Variants in USP30 observed in about 807,000 individuals in gnomAD.
USP30 encodes the protein ubiquitin specific peptidase 30, also known as ubiquitin carboxyl-terminal hydrolase 30.
Under a neutral mutation model 68.2 loss-of-function variants are expected in USP30, and 41 were observed. That is an observed-to-expected ratio of 0.60 (90% CI 0.47 to 0.78). USP30 has a LOEUF of 0.78. USP30 is among the 30% of genes least tolerant of loss of function. The pLI, the probability that USP30 is intolerant of heterozygous loss-of-function variation, is 0.00. For missense variants in USP30, 522 were observed against 649.4 expected (o/e 0.80, Z 2.13); for synonymous variants, 229 against 253.7 (o/e 0.90, Z 0.93).
At chr12:109,030,559 T>G (rs893383012) in intron 3 of USP30, among the ~76,000 whole-genome samples, 1 of 152,148 alleles carries the variant, frequency 6.6e-6, no homozygotes, top group African/African-American at 2.4e-5. Context: ...TGAAATTTCT[T>G]AAAAGGGTAG....
upstream of USP30, among the ~76,000 whole-genome samples, chr12:109,049,339 G>A (rs1566080155): frequency 6.6e-6 from 1 of 152,142 alleles, no homozygotes; most frequent in Admixed American, 6.6e-5. Context: ...TTACAGGCTA[G>A]GGAGACCTGA....
chr12:109,023,554 CAATA>C lies in USP30; in HGVS notation c.-498+408_-498+411del, dbSNP rs61588766. Among the ~76,000 whole-genome samples the C allele has an allele frequency of 2.9e-3, 429 of 146,422 alleles. 2 individuals are homozygous for C. Among genetic ancestry groups the C allele is most frequent in the African/African-American group, 6.5e-3 (257 of 39,832 alleles). ...TGGGTGATAGAGCGAAACTCTGTCTCAATAAATAAATAAATAAATAAATAGCCCC... is the reference window on the plus strand; with the variant it reads ...TGGGTGATAGAGCGAAACTCTGTCTCAATAAATAAATAAATAAATAGCCCC... On this transcript the variant is annotated intron_variant, in intron 1 of 15. Coordinates refer to the USP30 transcript ENST00000392784.
In USP30 at chr12:109,073,507, T is replaced by C. The variant is rs912142608; in HGVS notation, c.695T>C (p.Met232Thr). 9 of 1,613,644 alleles carry C rather than the reference T, an allele frequency of 5.6e-6. No individual in the cohort carries two copies. The Admixed American group carries it at 8.3e-5, about 15-fold the overall frequency. ...HPFHGRLTSN[M>T]VCKHCEHQSP... is the part of the protein sequence containing the mutation. ...TTTCATGGAAGACTCACTAGTAATA[T>C]GGTCTGCAAACACTGTGAACACCAG... Residue 232 changes from methionine (M) to threonine (T), a missense_variant, in exon 7 of 13, where the codon ATG becomes ACG. By Grantham distance (81) the Met-to-Thr change is moderately conservative. Transcript: ENST00000257548.
In USP30 at chr12:109,055,394, ATATATATTTT is replaced by A. The variant is rs1384436615; in HGVS notation, c.84-1286_84-1277del. Among the ~76,000 whole-genome samples the A allele has an allele frequency of 1.9e-3, 91 of 49,082 alleles. 1 individual carries two copies. The highest frequency in any genetic ancestry group is 5.1e-3 in the African/African-American group (67 of 13,152). The allele number at this position is 49,082 out of a possible 152,430, so 32.2% of individuals were successfully genotyped here. ...CATATATATACATATATATATATATATATATATTTTTTTTTTTTTTTTTTTTGAGGCAGAG... is the reference window on the plus strand; with the variant it reads ...CATATATATACATATATATATATATATTTTTTTTTTTTTTTTGAGGCAGAG... On this transcript the variant is annotated intron_variant, in intron 1 of 12. Transcript: ENST00000257548.
At chr12:109,044,498 A>G (rs1369971325) in intron 3 of USP30, among the ~76,000 whole-genome samples, 1 of 152,076 alleles carries the variant, frequency 6.6e-6, no homozygotes, top group Non-Finnish European at 1.5e-5. Flanking sequence ...TCAGCCAGGC[A>G]CAAAGGCTCG....
At chr12:109,079,167 G>T (rs1026547137) in intron 7 of USP30, among the ~76,000 whole-genome samples, 27 of 151,696 alleles carry the variant, frequency 1.8e-4, no homozygotes, top group Admixed American at 5.3e-4. Flanking sequence ...TTTCAACAAA[G>T]ATTTTATGCC....
chr12:109,024,651 G>A (rs879437351), intron 1 of USP30, among the ~76,000 whole-genome samples: 2 of 151,104 alleles, frequency 1.3e-5, no homozygotes, highest in East Asian at 1.9e-4. Flanking sequence ...ACCGAGTCTC[G>A]CTCTGTCTCC....
intron 7 of USP30, 125 bp from the exon 8 acceptor site, chr12:109,081,209 T>C: frequency 1.2e-6 from 1 of 826,786 alleles, no homozygotes; most frequent in Non-Finnish European, 1.9e-6. Flanking sequence ...CTAAGTACAT[T>C]ATATTTTACT....
chr12:109,050,426 G>A (rs6606733), upstream of USP30, among the ~76,000 whole-genome samples: 122,355 of 152,164 alleles, frequency 0.8, 49,439 homozygotes, highest in East Asian at 1. Flanking sequence ...CTTTTTAAGC[G>A]TACAAAGAGA....
chr12:109,073,553 TG>T (rs1376394135), intron 7 of USP30, 21 bp downstream of exon 7: 5 of 1,594,196 alleles, frequency 3.1e-6, no homozygotes, highest in Non-Finnish European at 4.3e-6. Flanking sequence ...TACCAACACT[TG>T]ATATTTCCGG....
At chr12:109,025,166 T>C (rs904488042) in intron 2 of USP30, 1 of 152,176 alleles carries the variant, frequency 6.6e-6, no homozygotes, top group African/African-American at 2.4e-5. Context: ...AAGACTTACA[T>C]GTGTGGCCCC....
intron 3 of USP30, among the ~76,000 whole-genome samples, chr12:109,035,499 G>A (rs2040512360): frequency 2.0e-5 from 3 of 152,110 alleles, no homozygotes; most frequent in African/African-American, 7.2e-5. Flanking sequence ...GAGTAGTTGG[G>A]ACTACAGGCA....
intron 4 of USP30, among the ~76,000 whole-genome samples, chr12:109,069,023 C>T (rs970600042): frequency 6.6e-6 from 1 of 152,202 alleles, no homozygotes; most frequent in African/African-American, 2.4e-5. Flanking sequence ...TTTATTATCA[C>T]AATAACCATG....
Position 109,086,204 on chromosome 12 carries a change from AAAG to A in USP30, c.*276_*278del. The A allele has an allele frequency of 2.8e-6, 1 of 357,306 alleles. No homozygotes were observed. The highest frequency in any genetic ancestry group is 5.0e-6 in the Non-Finnish European group (1 of 198,456). The allele number at this position is 357,306 out of a possible 1,614,324, so 22.1% of individuals were successfully genotyped here. A position where few individuals can be genotyped will look rare whatever the true frequency, so the allele number is the denominator to read the frequency against. ...TTTACTCATCTGATACAGGTAATTA[AAAG>A]AACTCAGATTCTTGAAGCCACCGTT... On this transcript the variant is annotated 3_prime_UTR_variant, in exon 13 of 13. Transcript: ENST00000257548.
At chr12:109,073,586 G>A in intron 7 of USP30, 54 bp downstream of exon 7, 2 of 1,518,614 alleles carry the variant, frequency 1.3e-6, no homozygotes, top group Non-Finnish European at 1.8e-6. Context: ...CAAAAGTTAG[G>A]ATTCTTGAAA....
rs1283459828 is a variant in USP30 at position 109,087,362 on chromosome 12, G to C, written c.*1431G>C. ...CACACCAAACAGTGCCTTGGCAGCA[G>C]CTCACAGTGCAGGAAGCCCAGGTGA... is the stretch of plus-strand genomic sequence containing the variant. On this transcript the variant is annotated 3_prime_UTR_variant, in exon 13 of 13. Transcript: ENST00000257548. The C allele has an allele frequency of 1.3e-5, 2 of 152,192 alleles. No individual in the cohort carries two copies. Among genetic ancestry groups the C allele is most frequent in the African/African-American group, 4.8e-5 (2 of 41,430 alleles). 9.4% of individuals were successfully genotyped at this position (152,192 alleles called of 1,614,324 possible).
chr12:109,058,180 C>T, intron 3 of USP30, 72 bp downstream of exon 3: 1 of 1,431,934 alleles, frequency 7.0e-7, no homozygotes, highest in East Asian at 2.3e-5. Context: ...ACTCTTATAA[C>T]AAAGAGTTAA....
intron 7 of USP30, among the ~76,000 whole-genome samples, chr12:109,076,368 A>T (rs1465584457): frequency 1.3e-5 from 2 of 151,098 alleles, no homozygotes; most frequent in East Asian, 3.9e-4. Flanking sequence ...GCTTATGAAT[A>T]GAAATAGTTT....
rs370658959 is a variant in USP30 at position 109,085,911 on chromosome 12, G to A, written c.1534G>A (p.Glu512Lys). ...VLSRMQHQSQECKSEE is the reference protein window; with the variant it reads ...VLSRMQHQSQKCKSEE ...TTCCAGGATGCAGCACCAGAGCCAG[G>A]AGTGCAAGTCTGAAGAATGACTGTG... The change falls in exon 13 of 13, where the codon GAG (glutamate) becomes AAG (lysine). Residue 512 changes from glutamate (E) to lysine (K), a missense_variant. Physicochemically the swap from Glu to Lys is moderately conservative, Grantham distance 56 (BLOSUM62 1). Coordinates refer to ENST00000257548, the MANE Select transcript of USP30 (RefSeq NM_032663.5). 25 of 1,613,834 alleles carry A rather than the reference G, an allele frequency of 1.5e-5. No individual in the cohort carries two copies. The highest frequency in any genetic ancestry group is 2.7e-5 in the African/African-American group (2 of 74,932).
Sources: allele counts gnomAD v4.1 joint callset (sites outside exome capture counted in the v4.1 genomes callset), GRCh38; gene constraint gnomAD v4.1.1; transcripts MANE v1.5; gene names NCBI Gene and HGNC (gene_info 2026-07-23, HGNC 2026-07-21).